Variants in KIFAP3 observed in about 807,000 individuals in gnomAD.
KIFAP3 encodes kinesin-associated protein 3.
Under a neutral mutation model 106.5 loss-of-function variants are expected in KIFAP3, and 68 were observed. The observed-to-expected ratio is 0.64, with a 90% CI of 0.53 to 0.78. KIFAP3 has a LOEUF of 0.78. KIFAP3 is among the 30% of genes least tolerant of loss of function. The pLI is 0.00. For synonymous variants in KIFAP3, 320 were observed against 311.5 expected (o/e 1.03, Z -0.29); for missense variants, 780 against 941.8 (o/e 0.83, Z 2.25).
At chr1:169,943,339 A>G (rs1270201396) in intron 19 of KIFAP3, among the ~76,000 whole-genome samples, 2 of 152,208 alleles carry the variant, frequency 1.3e-5, no homozygotes, top group Non-Finnish European at 2.9e-5. Context: ...AATATAAGAA[A>G]TCTAACAACT....
chr1:170,029,711 G>A (rs1435724287), intron 8 of KIFAP3, among the ~76,000 whole-genome samples: 1 of 151,858 alleles, frequency 6.6e-6, no homozygotes, highest in Non-Finnish European at 1.5e-5. Flanking sequence ...AGGGCTAAAA[G>A]CACCCAATAT....
At chr1:170,070,778 C>T (rs559459657) in intron 1 of KIFAP3, among the ~76,000 whole-genome samples, 8 of 152,206 alleles carry the variant, frequency 5.3e-5, no homozygotes, top group South Asian at 2.1e-4. Flanking sequence ...TCTTAAATAA[C>T]GATGCCAAAA....
At chr1:169,923,053 A>G (rs556507844) in intron 19 of KIFAP3, 17 of 982,408 alleles carry the variant, frequency 1.7e-5, no homozygotes, top group Non-Finnish European at 1.8e-5. Flanking sequence ...GCCAAAATAC[A>G]TATAACACAT....
At chr1:169,966,556 GA>G (rs1010405339) in intron 17 of KIFAP3, among the ~76,000 whole-genome samples, 2 of 149,100 alleles carry the variant, frequency 1.3e-5, no homozygotes, top group African/African-American at 4.9e-5. Context: ...ACATAATTTT[GA>G]AATAATATTT....
chr1:170,022,374 T>A (rs1271874838), intron 9 of KIFAP3, among the ~76,000 whole-genome samples: 4 of 152,128 alleles, frequency 2.6e-5, no homozygotes, highest in Non-Finnish European at 2.9e-5. Flanking sequence ...CCTTTCTCAG[T>A]GTTTCTGGAA....
chr1:169,998,393 T>TAC (rs1490763807), intron 10 of KIFAP3, among the ~76,000 whole-genome samples: 30 of 108,858 alleles, frequency 2.8e-4, no homozygotes, highest in East Asian at 1.4e-3. Context: ...TATATATATA[T>TAC]ATATATACAC....
chr1:169,953,998 G>C lies in KIFAP3; in HGVS notation c.2273+13C>G. On this transcript the variant is annotated intron_variant, in intron 19 of 19. Transcript: ENST00000361580. ...GATACTACACATTAGATTTTTCTTG[G>C]AAAACTGTTTACCTGCCAGGAAATG... The C allele has an allele frequency of 1.9e-6, 3 of 1,587,838 alleles. No individual in the cohort carries two copies. Among genetic ancestry groups the C allele is most frequent in the Non-Finnish European group, 2.6e-6 (3 of 1,156,254 alleles).
At position 170,084,705 on chromosome 1, in the gene KIFAP3, A is replaced by G. The variant is rs187579255; in HGVS notation, n.174+330T>C. Among the ~76,000 whole-genome samples the G allele has an allele frequency of 5.0e-3, 764 of 152,290 alleles. 4 individuals carry two copies. The highest frequency in any genetic ancestry group is 8.0e-3 in the Non-Finnish European group (547 of 68,014). On this transcript the variant is annotated intron_variant and non_coding_transcript_variant, in intron 1 of 5. Coordinates refer to the KIFAP3 transcript ENST00000490550. ...TATCATGGTACAGTTAAGTAACTGT[A>G]TGTAGTTTGAGACAGAATTAGTTTT...
intron 19 of KIFAP3, among the ~76,000 whole-genome samples, chr1:169,937,293 G>A (rs1177687035): frequency 1.3e-5 from 2 of 151,594 alleles, no homozygotes; most frequent in African/African-American, 4.8e-5. Flanking sequence ...AGTGTTAAAA[G>A]CAAACATTAA....
At chr1:169,931,015 G>T in intron 19 of KIFAP3, among the ~76,000 whole-genome samples, 1 of 148,662 alleles carries the variant, frequency 6.7e-6, no homozygotes, top group Non-Finnish European at 1.5e-5. Context: ...CACCTCCTGG[G>T]TTCAAGTGAC....
Position 170,039,252 on chromosome 1 carries a change from G to C in KIFAP3, c.356C>G (p.Pro119Arg), listed in dbSNP as rs535664011. ...TCTTACCTCCATTCCTTCAAAAGGA[G>C]GTGGATCTTTAGGCTTGCTTGATTT... Reference protein sequence around the residue: ...KEKSSKPKDPPPFEGMEIDEV... With the variant: ...KEKSSKPKDPRPFEGMEIDEV... The change falls in exon 4 of 20, where the codon CCT becomes CGT. Residue 119 changes from proline (P) to arginine (R), a missense_variant. Transcript: ENST00000361580. 9.1e-5 allele frequency: 145 copies of C among 1,601,522 alleles called. 2 individuals are homozygous for C. The South Asian group carries it at 1.6e-3, about 17-fold the overall frequency.
chr1:169,984,033 A>C (rs144041158), intron 12 of KIFAP3, among the ~76,000 whole-genome samples: 108 of 151,988 alleles, frequency 7.1e-4, no homozygotes, highest in African/African-American at 2.4e-3. Context: ...ATATATAGAC[A>C]ATCACATTTT....
At chr1:169,951,812 C>T (rs1664746033) in intron 19 of KIFAP3, among the ~76,000 whole-genome samples, 1 of 151,840 alleles carries the variant, frequency 6.6e-6, no homozygotes, top group African/African-American at 2.4e-5. Context: ...TTTAGATTCA[C>T]AGTATCTGCA....
intron 3 of KIFAP3, 108 bp downstream of exon 3, chr1:170,046,604 C>T: frequency 1.1e-6 from 1 of 875,732 alleles, no homozygotes; most frequent in Non-Finnish European, 1.7e-6. Flanking sequence ...AAAACCTACC[C>T]AACATCAAAT....
intron 19 of KIFAP3, among the ~76,000 whole-genome samples, chr1:169,943,048 AT>A (rs1281478135): frequency 6.6e-6 from 1 of 152,054 alleles, no homozygotes; most frequent in Non-Finnish European, 1.5e-5. Context: ...ACAGCTTAAT[AT>A]TTTATTCTTA....
At chr1:170,081,163 G>T (rs1016250267) in intron 1 of KIFAP3, among the ~76,000 whole-genome samples, 2 of 152,074 alleles carry the variant, frequency 1.3e-5, no homozygotes, top group Non-Finnish European at 2.9e-5. Flanking sequence ...CAAAATAATT[G>T]TATTCATGAT....
At chr1:170,031,587 G>A (rs1024513428) in intron 8 of KIFAP3, among the ~76,000 whole-genome samples, 1 of 151,690 alleles carries the variant, frequency 6.6e-6, no homozygotes, top group Non-Finnish European at 1.5e-5. Flanking sequence ...AAACAAGTAA[G>A]TTAGGGCTGA....
Position 170,053,557 on chromosome 1 carries a change from A to C in KIFAP3, c.164+1748T>G, listed in dbSNP as rs374001955. Among the ~76,000 whole-genome samples the C allele has an allele frequency of 5.1e-4, 77 of 151,992 alleles. No homozygotes were observed. The South Asian group carries it at 9.3e-3, about 18-fold the overall frequency. ...AAGCAAAAAACAAAACAAAACAAAA[A>C]AAAACCCAAAGCATCATGCTACCTG... is the stretch of plus-strand genomic sequence containing the variant. On this transcript the variant is annotated intron_variant, in intron 2 of 19. Transcript: ENST00000361580.
intron 2 of KIFAP3, among the ~76,000 whole-genome samples, chr1:170,047,620 CAAAAAA>C (rs1165754265): frequency 4.8e-4 from 22 of 46,198 alleles, no homozygotes; most frequent in African/African-American, 1.5e-3. Flanking sequence ...GGCTCTGTCT[CAAAAAA>C]AAAAAAAAAA....
Sources: allele counts gnomAD v4.1 joint callset (sites outside exome capture counted in the v4.1 genomes callset), GRCh38; gene constraint gnomAD v4.1.1; transcripts MANE v1.5; gene names NCBI Gene and HGNC (gene_info 2026-07-23, HGNC 2026-07-21).